Variants in LPP observed in about 807,000 individuals in gnomAD.
LPP encodes LIM domain containing preferred translocation partner in lipoma.
A neutral mutation model predicts 60.4 loss-of-function variants in LPP; 38 were observed. That is an observed-to-expected ratio of 0.63 (90% CI 0.49 to 0.83). LPP has a LOEUF of 0.83. LPP is among the 40% of genes least tolerant of loss of function. The probability of loss-of-function intolerance (pLI) is 0.00; values close to 1 mark genes in which losing one functional copy is unlikely to be tolerated. For synonymous variants in LPP, 328 were observed against 290.8 expected (o/e 1.13, Z -1.30); for missense variants, 902 against 783.6 (o/e 1.15, Z -1.80).
chr3:188,445,764 C>T (rs1201891911), intron 4 of LPP, among the ~76,000 whole-genome samples: 1 of 152,028 alleles, frequency 6.6e-6, no homozygotes, highest in East Asian at 1.9e-4. Flanking sequence ...ATTTGCTCTC[C>T]TGATAGATTA....
chr3:188,285,220 G>T (rs1462285079), intron 2 of LPP, among the ~76,000 whole-genome samples: 1 of 152,124 alleles, frequency 6.6e-6, no homozygotes, highest in Non-Finnish European at 1.5e-5. Context: ...TGTATTGTTG[G>T]TCGTAGGATA....
At chr3:188,742,424 G>A (rs1455306533) in intron 8 of LPP, among the ~76,000 whole-genome samples, 1 of 151,996 alleles carries the variant, frequency 6.6e-6, no homozygotes, top group Non-Finnish European at 1.5e-5. Flanking sequence ...GACAAATTAT[G>A]CTATATTTAT....
chr3:188,423,138 C>T (rs533374964), intron 4 of LPP, among the ~76,000 whole-genome samples: 72 of 152,038 alleles, frequency 4.7e-4, no homozygotes, highest in African/African-American at 1.6e-3. Context: ...TGTGATGTAC[C>T]CCTCCCTGTG....
At chr3:188,857,586 T>A (rs1414969010) in intron 9 of LPP, among the ~76,000 whole-genome samples, 1 of 152,246 alleles carries the variant, frequency 6.6e-6, no homozygotes, top group Admixed American at 6.5e-5. Flanking sequence ...TATAAAGGAA[T>A]ATAAATTACT....
intron 3 of LPP, among the ~76,000 whole-genome samples, chr3:188,367,470 G>C (rs1394545518): frequency 1.3e-5 from 2 of 152,104 alleles, no homozygotes; most frequent in Non-Finnish European, 2.9e-5. Flanking sequence ...CTAGTTAATA[G>C]ATATATCTGG....
chr3:188,856,640 A>G (rs1763903117), intron 9 of LPP, among the ~76,000 whole-genome samples: 1 of 152,198 alleles, frequency 6.6e-6, no homozygotes, highest in Non-Finnish European at 1.5e-5. Context: ...CATTCTATAG[A>G]TGAGAAAATT....
At chr3:188,480,897 A>G (rs1804593125) in intron 4 of LPP, among the ~76,000 whole-genome samples, 1 of 152,196 alleles carries the variant, frequency 6.6e-6, no homozygotes, top group Admixed American at 6.5e-5. Context: ...TGAAAGCCGC[A>G]TGCTCTTTCA....
At chr3:188,758,476 C>T (rs1731099232) in intron 8 of LPP, among the ~76,000 whole-genome samples, 1 of 152,038 alleles carries the variant, frequency 6.6e-6, no homozygotes, top group South Asian at 2.1e-4. Flanking sequence ...ATTTCTTATT[C>T]CTTAGGAAAA....
At chr3:188,508,318 T>C (rs1814170814) in intron 5 of LPP, among the ~76,000 whole-genome samples, 1 of 152,208 alleles carries the variant, frequency 6.6e-6, no homozygotes, top group East Asian at 1.9e-4. Context: ...ATGAGGACTT[T>C]GAAGCAGGTG....
At chr3:188,286,666 A>T (rs2149991654) in intron 2 of LPP, among the ~76,000 whole-genome samples, 1 of 152,280 alleles carries the variant, frequency 6.6e-6, no homozygotes, top group East Asian at 1.9e-4. Flanking sequence ...AAATGTATTG[A>T]TACTAAAAAG....
chr3:188,737,983 T>A (rs1723106601), intron 8 of LPP, among the ~76,000 whole-genome samples: 1 of 152,206 alleles, frequency 6.6e-6, no homozygotes, highest in Non-Finnish European at 1.5e-5. Context: ...ATTCCAGACA[T>A]ATATTGAAAT....
chr3:188,326,832 C>A (rs1366678458), intron 2 of LPP, among the ~76,000 whole-genome samples: 3 of 152,096 alleles, frequency 2.0e-5, no homozygotes, highest in African/African-American at 7.2e-5. Context: ...GTATTCTATT[C>A]TTAGTATTGT....
intron 2 of LPP, among the ~76,000 whole-genome samples, chr3:188,311,660 G>A (rs943750232): frequency 6.8e-6 from 1 of 146,616 alleles, no homozygotes; most frequent in African/African-American, 2.5e-5. Context: ...TTTTTTTTCT[G>A]TTTTCTGTCT....
At chr3:188,345,789 C>G (rs62291428) in intron 3 of LPP, among the ~76,000 whole-genome samples, 2,973 of 152,218 alleles carry the variant, frequency 0.02, 42 homozygotes, top group Non-Finnish European at 0.029. Flanking sequence ...GTAATTGTTA[C>G]CCATCCGATA....
chr3:188,871,694 T>C (rs1273361854), intron 10 of LPP, among the ~76,000 whole-genome samples: 2 of 152,184 alleles, frequency 1.3e-5, no homozygotes, highest in African/African-American at 4.8e-5. Flanking sequence ...CTTCAGTTCT[T>C]ATCCAGGTCC....
Position 188,880,034 on chromosome 3 carries a change from C to CTTTTTTTTT in LPP, c.*5561_*5569dup, listed in dbSNP as rs71169024. 6.9e-5 allele frequency: 10 copies of CTTTTTTTTT among 144,316 alleles called. No homozygotes were observed. The highest frequency in any genetic ancestry group is 1.5e-4 in the East Asian group (1 of 6,806). The allele number at this position is 144,316 out of a possible 1,614,324, so 8.9% of individuals were successfully genotyped here. ...AAAGATGCGTTTTTTTTCTTTTTTT[C>CTTTTTTTTT]TTTTTTTTTTTTTTGAGACGGAGTC... On this transcript the variant is annotated 3_prime_UTR_variant, in exon 12 of 12. Transcript: ENST00000617246.
At chr3:188,762,200 T>C (rs1028648922) in intron 9 of LPP, among the ~76,000 whole-genome samples, 1 of 152,204 alleles carries the variant, frequency 6.6e-6, no homozygotes, top group African/African-American at 2.4e-5. Flanking sequence ...TTGAATTTCG[T>C]TACGTCACTT....
intron 3 of LPP, among the ~76,000 whole-genome samples, chr3:188,370,074 C>T (rs903150214): frequency 1.3e-5 from 2 of 152,088 alleles, no homozygotes; most frequent in African/African-American, 2.4e-5. Context: ...ATTACAGGTG[C>T]CTACCACCAC....
intron 5 of LPP, among the ~76,000 whole-genome samples, chr3:188,501,909 T>C (rs1812030349): frequency 6.6e-6 from 1 of 151,560 alleles, no homozygotes; most frequent in African/African-American, 2.4e-5. Flanking sequence ...AGTGTGAGAC[T>C]CCATTAAAAA....
Sources: allele counts gnomAD v4.1 joint callset (sites outside exome capture counted in the v4.1 genomes callset), GRCh38; gene constraint gnomAD v4.1.1; transcripts MANE v1.5; gene names NCBI Gene and HGNC (gene_info 2026-07-23, HGNC 2026-07-21).